Variants in TRPC1 observed in about 807,000 individuals in gnomAD.
TRPC1 encodes the protein short transient receptor potential channel 1.
In TRPC1, 42 loss-of-function variants were observed where a neutral mutation model predicts 88.2. That is an observed-to-expected ratio of 0.48 (90% confidence interval 0.37 to 0.62). The LOEUF is 0.62. Ranked by LOEUF, TRPC1 falls within the 20% of genes least tolerant of loss-of-function variation. TRPC1 has a pLI of 0.00. For missense variants in TRPC1, 699 were observed against 957.3 expected (o/e 0.73, Z 3.56); for synonymous variants, 288 against 331.8 (o/e 0.87, Z 1.43).
chr3:142,793,783 C>G lies in TRPC1; in HGVS notation c.1581+816C>G, dbSNP rs76848098. The G allele has an allele frequency of 6.1e-4, 522 of 854,294 alleles. 8 individuals are homozygous for G. The African/African-American group carries it at 8.9e-3, about 15-fold the overall frequency. The allele number at this position is 854,294 out of a possible 1,614,324, so 52.9% of individuals were successfully genotyped here. On this transcript the variant is annotated intron_variant, in intron 9 of 12. Transcript: ENST00000476941. ...AAAATTTACTAACAATTTAGATTGTCTCATATTTTTAAAGGTGATATTTTA... is the reference window on the plus strand; with the variant it reads ...AAAATTTACTAACAATTTAGATTGTGTCATATTTTTAAAGGTGATATTTTA...
Position 142,806,960 on chromosome 3 carries a change from T to C in TRPC1, c.*725T>C, listed in dbSNP as rs746967573. The C allele has an allele frequency of 1.3e-5, 2 of 152,252 alleles. No individual in the cohort carries two copies. Among genetic ancestry groups the C allele is most frequent in the South Asian group, 4.1e-4 (2 of 4,828 alleles). The allele number at this position is 152,252 out of a possible 1,614,324, so 9.4% of individuals were successfully genotyped here. A position where few individuals can be genotyped will look rare whatever the true frequency, so the allele number is the denominator to read the frequency against. ...CCACATTTAAATTTTTATAGAATTA[T>C]ATAGTTTTTGAAAAATACAGTCAGT... is the stretch of plus-strand genomic sequence containing the variant. On this transcript the variant is annotated 3_prime_UTR_variant, in exon 13 of 13. Transcript: ENST00000476941.
At chr3:142,796,612 G>T (rs1224420332) in intron 9 of TRPC1, among the ~76,000 whole-genome samples, 4 of 149,980 alleles carry the variant, frequency 2.7e-5, no homozygotes, top group Non-Finnish European at 5.9e-5. Flanking sequence ...CTGCTGCGTG[G>T]GTCCCTGATT....
chr3:142,736,588 A>T lies in TRPC1; in HGVS notation c.327+55A>T, dbSNP rs937997508. 5.7e-6 allele frequency: 8 copies of T among 1,399,118 alleles called. No individual in the cohort carries two copies. In the African/African-American group the frequency reaches 1.2e-4, roughly 21 times the overall value. 86.7% of individuals were successfully genotyped at this position (1,399,118 alleles called of 1,614,324 possible). A position where few individuals can be genotyped will look rare whatever the true frequency, so the allele number is the denominator to read the frequency against. On this transcript the variant is annotated intron_variant, in intron 2 of 12. Transcript: ENST00000476941. ...ACTTCTAAGTGCTGTTAGATATGCC[A>T]TGCTTTCTTCCCTTCTTGTTTTCTT... is the stretch of plus-strand genomic sequence containing the variant.
chr3:142,739,874 A>G (rs1934280134), intron 2 of TRPC1, among the ~76,000 whole-genome samples: 1 of 152,196 alleles, frequency 6.6e-6, no homozygotes, highest in South Asian at 2.1e-4. Context: ...GAAAAGGCAG[A>G]TATGAGTCCA....
At chr3:142,772,854 T>C (rs1935624854) in intron 4 of TRPC1, among the ~76,000 whole-genome samples, 1 of 152,114 alleles carries the variant, frequency 6.6e-6, no homozygotes, top group Admixed American at 6.5e-5. Context: ...GAAATGAAGA[T>C]ATTGGCAAGG....
At chr3:142,734,459 GGAAA>G (rs1480885289) in intron 1 of TRPC1, among the ~76,000 whole-genome samples, 1 of 151,838 alleles carries the variant, frequency 6.6e-6, no homozygotes, top group Non-Finnish European at 1.5e-5. Flanking sequence ...CCAGAATGCA[GGAAA>G]GAGAGAGGAA....
rs932692182 is a variant in TRPC1 at position 142,767,344 on chromosome 3, T to A, written c.633-10288T>A. ...AGTTGCTTTCTTATGGTTGAGTTTT[T>A]AAAATATTTAAATAGTCCTTTGTCC... On this transcript the variant is annotated intron_variant, in intron 4 of 12. Transcript: ENST00000476941. The surrounding 1 kb of genome is among the most constrained non-coding windows in gnomAD (Gnocchi z 5.1). Among the ~76,000 whole-genome samples, 2 of 151,946 alleles carry A rather than the reference T, an allele frequency of 1.3e-5. No homozygotes were observed.
At chr3:142,804,898 TCAGGAGTTTGAGAC>T (rs916723814) in intron 12 of TRPC1, among the ~76,000 whole-genome samples, 4 of 151,958 alleles carry the variant, frequency 2.6e-5, no homozygotes, top group African/African-American at 9.7e-5. Context: ...TCACTTGAGG[TCAGGAGTTTGAGAC>T]CAGCCTGGTG....
intron 4 of TRPC1, among the ~76,000 whole-genome samples, chr3:142,772,052 C>T (rs1275368234): frequency 1.3e-5 from 2 of 151,962 alleles, no homozygotes; most frequent in Non-Finnish European, 2.9e-5. Flanking sequence ...ATTTGGGTTC[C>T]CTTGTAAGTG....
intron 10 of TRPC1, 82 bp downstream of exon 10, chr3:142,802,426 A>C (rs1936651378): frequency 1.2e-5 from 12 of 1,006,434 alleles, no homozygotes; most frequent in Non-Finnish European, 1.6e-5. Context: ...TATCTATAGA[A>C]ATGGAACTTC....
intron 1 of TRPC1, among the ~76,000 whole-genome samples, chr3:142,732,641 A>G (rs568559293): frequency 5.9e-5 from 9 of 152,234 alleles, no homozygotes; most frequent in African/African-American, 2.2e-4. Context: ...GGGGGCTAAG[A>G]AGACGTGCTG....
At chr3:142,733,375 G>A (rs900731312) in intron 1 of TRPC1, among the ~76,000 whole-genome samples, 2 of 152,096 alleles carry the variant, frequency 1.3e-5, no homozygotes, top group Non-Finnish European at 2.9e-5. Flanking sequence ...AGCCGGGCGT[G>A]GTGGCAGCTG....
intron 5 of TRPC1, among the ~76,000 whole-genome samples, chr3:142,779,015 TTC>T (rs1264372639): frequency 6.6e-6 from 1 of 152,242 alleles, no homozygotes; most frequent in East Asian, 1.9e-4. Flanking sequence ...TGTTAAATTA[TTC>T]TGTTTAAATA....
At chr3:142,800,099 A>T (rs1936573767) in intron 9 of TRPC1, among the ~76,000 whole-genome samples, 1 of 152,146 alleles carries the variant, frequency 6.6e-6, no homozygotes, top group South Asian at 2.1e-4. Flanking sequence ...CTGTACTGAG[A>T]TGGTATAGCT....
rs200770318 is a variant in TRPC1 at position 142,795,579 on chromosome 3, G to GAA, written c.1581+2621_1581+2622dup. ...GAGTGACATTTGTAAAGCACTGAAA[G>GAA]AAAAAAAAAACAACTGTCAACCTGG... On this transcript the variant is annotated intron_variant, in intron 9 of 12. Coordinates refer to ENST00000476941, the MANE Select transcript of TRPC1 (RefSeq NM_001251845.2). Among the ~76,000 whole-genome samples the GAA allele has an allele frequency of 4.7e-3, 682 of 144,778 alleles. 25 individuals are homozygous for GAA. In the East Asian group the frequency reaches 0.093, roughly 20 times the overall value. 95.0% of individuals were successfully genotyped at this position (144,778 alleles called of 152,430 possible).
At chr3:142,757,298 A>C (rs1321469394) in intron 4 of TRPC1, among the ~76,000 whole-genome samples, 1 of 151,926 alleles carries the variant, frequency 6.6e-6, no homozygotes, top group Non-Finnish European at 1.5e-5. Context: ...TTTAAAAAAA[A>C]ATTATGTTTA....
intron 10 of TRPC1, among the ~76,000 whole-genome samples, chr3:142,802,914 A>G (rs1936667892): frequency 6.6e-6 from 1 of 152,156 alleles, no homozygotes; most frequent in South Asian, 2.1e-4. Flanking sequence ...TGTTCTTATT[A>G]TGTGTCAACT....
At chr3:142,744,624 C>T (rs1458621782) in intron 3 of TRPC1, among the ~76,000 whole-genome samples, 1 of 152,064 alleles carries the variant, frequency 6.6e-6, no homozygotes, top group Non-Finnish European at 1.5e-5. Context: ...GGAATACTTA[C>T]TATGGTTAAA....
intron 2 of TRPC1, among the ~76,000 whole-genome samples, chr3:142,739,747 A>G (rs1482630731): frequency 6.6e-6 from 1 of 152,156 alleles, no homozygotes. Context: ...TGGGAAATGG[A>G]AAGTGGGAAA....
Sources: gnomAD v4.1 joint callset for allele counts (sites outside exome capture counted in the v4.1 genomes callset) on GRCh38, gnomAD v4.1.1 for gene constraint, Gnocchi (gnomAD v3.1) non-coding constraint, MANE v1.5 for transcripts, NCBI Gene and HGNC (gene_info 2026-07-23, HGNC 2026-07-21) for gene names.